ANO3: variants seen among roughly 807,000 people sequenced by gnomAD.
ANO3 encodes the protein anoctamin-3.
In ANO3, 99 loss-of-function variants were observed where a neutral mutation model predicts 144.8. That is an observed-to-expected ratio of 0.68 (90% CI 0.58 to 0.81). ANO3 has a LOEUF of 0.81. ANO3 is among the 30% of genes least tolerant of loss of function. ANO3 has a pLI of 0.00. For synonymous variants in ANO3, 414 were observed against 392.6 expected, an observed-to-expected ratio of 1.05 and a Z score of -0.64; for missense variants, 905 against 1,202.2, an observed-to-expected ratio of 0.75 and a Z score of 3.66.
chr11:26,273,820 G>C (rs912629166), intron 1 of ANO3, among the ~76,000 whole-genome samples: 7 of 152,142 alleles, frequency 4.6e-5, no homozygotes, highest in African/African-American at 9.7e-5. Flanking sequence ...TGAGGAAGAA[G>C]ACATGGAGGA....
At chr11:26,522,228 T>C (rs1862112326) in intron 6 of ANO3, among the ~76,000 whole-genome samples, 1 of 144,984 alleles carries the variant, frequency 6.9e-6, no homozygotes, top group African/African-American at 2.5e-5. Flanking sequence ...AAAAAAACAT[T>C]AAGAGCAATC....
At chr11:26,193,351 A>C (rs1482867433) in intron 1 of ANO3, among the ~76,000 whole-genome samples, 1 of 151,902 alleles carries the variant, frequency 6.6e-6, no homozygotes, top group Admixed American at 6.6e-5. Flanking sequence ...TGTGTTAGTC[A>C]TGCTGGTCTC....
At chr11:26,555,816 C>T (rs534731607) in intron 13 of ANO3, among the ~76,000 whole-genome samples, 1 of 152,026 alleles carries the variant, frequency 6.6e-6, no homozygotes, top group Non-Finnish European at 1.5e-5. Context: ...TGGGTAGAAT[C>T]AGATATAAGG....
At chr11:26,643,645 C>A (rs1055236121) in intron 23 of ANO3, among the ~76,000 whole-genome samples, 3 of 151,938 alleles carry the variant, frequency 2.0e-5, no homozygotes, top group African/African-American at 7.3e-5. Context: ...ATCCCAGCTA[C>A]TCGGGAGGCT....
chr11:26,264,403 A>T (rs1853261086), intron 1 of ANO3, among the ~76,000 whole-genome samples: 1 of 152,222 alleles, frequency 6.6e-6, no homozygotes, highest in Non-Finnish European at 1.5e-5. Flanking sequence ...CACACAAGTA[A>T]TACAGCAAAG....
In ANO3 at chr11:26,310,653, AATAT is replaced by A. The variant is rs757003773; in HGVS notation, c.-3+935_-3+938del. Among the ~76,000 whole-genome samples the A allele has an allele frequency of 9.3e-4, 141 of 152,326 alleles. 1 individual carries two copies. Among genetic ancestry groups the A allele is most frequent in the Non-Finnish European group, 5.9e-4 (40 of 68,022 alleles). On this transcript the variant is annotated intron_variant, in intron 1 of 26. Transcript: ENST00000525139. Reference sequence around the variant, plus strand: ...TCTGCACCCATGTGTGTGTTGTGTGAATATGTGTGTTTTGGAAATGTATGTGCTA... The same window carrying A: ...TCTGCACCCATGTGTGTGTTGTGTGAGTGTGTTTTGGAAATGTATGTGCTA...
intron 1 of ANO3, among the ~76,000 whole-genome samples, chr11:26,434,420 C>T (rs1037752696): frequency 1.3e-5 from 2 of 151,886 alleles, no homozygotes; most frequent in African/African-American, 2.4e-5. Flanking sequence ...TGTTATCTCT[C>T]GTTCTTCAGT....
At chr11:26,372,789 G>A (rs1046249409) in intron 1 of ANO3, among the ~76,000 whole-genome samples, 1 of 152,118 alleles carries the variant, frequency 6.6e-6, no homozygotes, top group African/African-American at 2.4e-5. Flanking sequence ...ATTAAACAAG[G>A]AAAGGGGTCA....
intron 1 of ANO3, among the ~76,000 whole-genome samples, chr11:26,368,286 A>G (rs1242054341): frequency 1.3e-5 from 2 of 152,164 alleles, no homozygotes; most frequent in African/African-American, 2.4e-5. Context: ...ATGGCTCTTC[A>G]GTTTTTTACA....
intron 1 of ANO3, among the ~76,000 whole-genome samples, chr11:26,418,854 G>A (rs1230925790): frequency 1.6e-5 from 2 of 123,780 alleles, no homozygotes; most frequent in Admixed American, 8.0e-5. Context: ...ATGAAGAACT[G>A]TCAATTGCCA....
chr11:26,565,309 T>G, intron 14 of ANO3: 1 of 1,609,122 alleles, frequency 6.2e-7, no homozygotes, highest in South Asian at 1.1e-5. Flanking sequence ...GGTTCCACTA[T>G]CAAGGGGGTC....
intron 1 of ANO3, among the ~76,000 whole-genome samples, chr11:26,230,867 T>C (rs1475808470): frequency 6.7e-6 from 1 of 149,338 alleles, no homozygotes; most frequent in Non-Finnish European, 1.5e-5. Flanking sequence ...AGTTTTCTGG[T>C]TCTTCCCAGA....
At chr11:26,265,681 C>T (rs1037768731) in intron 1 of ANO3, among the ~76,000 whole-genome samples, 1 of 152,142 alleles carries the variant, frequency 6.6e-6, no homozygotes, top group Non-Finnish European at 1.5e-5. Flanking sequence ...TATAGCCCTT[C>T]GGCAGAGGTT....
chr11:26,383,888 CTTTTTTTTTTTTTTT>C lies in ANO3; in HGVS notation c.46+51580_46+51594del, dbSNP rs61094091. 1.1e-4 allele frequency among the ~76,000 whole-genome samples: 8 copies of C among 70,174 alleles called. No individual in the cohort carries two copies. In the East Asian group the frequency reaches 3.9e-3, roughly 34 times the overall value. The allele number at this position is 70,174 out of a possible 152,430, so 46.0% of individuals were successfully genotyped here. A position where few individuals can be genotyped will look rare whatever the true frequency, so the allele number is the denominator to read the frequency against. On this transcript the variant is annotated intron_variant, in intron 1 of 26. Coordinates refer to ENST00000256737, the MANE Select transcript of ANO3 (RefSeq NM_031418.4). ...CATTGTTCTTGTGCCATGCATTGTT[CTTTTTTTTTTTTTTT>C]TTTTTTTTTTTTGAGACGGAATCTC...
At position 26,643,653 on chromosome 11, in the gene ANO3, G is replaced by T. The variant is rs1853244365; in HGVS notation, c.2428+319G>T. 2.6e-5 allele frequency among the ~76,000 whole-genome samples: 4 copies of T among 152,120 alleles called. No individual in the cohort carries two copies. In the South Asian group the frequency reaches 8.3e-4, roughly 32 times the overall value. On this transcript the variant is annotated intron_variant, in intron 23 of 26. Coordinates refer to ENST00000256737, the MANE Select transcript of ANO3 (RefSeq NM_031418.4). ...GCCTGTAATCCCAGCTACTCGGGAG[G>T]CTGAGACAGGAGAATCGTTTGAACA...
At position 26,547,503 on chromosome 11, in the gene ANO3, G is replaced by C. The variant is rs778280340; in HGVS notation, c.1242G>C (p.Leu414Phe). 1.2e-6 allele frequency: 2 copies of C among 1,612,108 alleles called. No homozygotes were observed. Among genetic ancestry groups the C allele is most frequent in the African/African-American group, 2.7e-5 (2 of 74,904 alleles). The change falls in exon 12 of 27, where the codon TTG becomes TTC. Residue 414 changes from leucine (L) to phenylalanine (F), a missense_variant. Coordinates refer to ENST00000256737, the MANE Select transcript of ANO3 (RefSeq NM_031418.4). Reference protein sequence around the residue: ...GMLIPAAIVGLCVFFYGLFTM... With the variant: ...GMLIPAAIVGFCVFFYGLFTM... ...TGATTCCTGCAGCAATTGTTGGTTT[G>C]TGCGTTTTCTTCTATGGATTATTTA...
intron 17 of ANO3, among the ~76,000 whole-genome samples, chr11:26,602,977 A>G (rs1851841848): frequency 6.6e-6 from 1 of 152,174 alleles, no homozygotes; most frequent in Admixed American, 6.5e-5. Context: ...TTCTAAGTAG[A>G]TTGTCAATCA....
At chr11:26,615,414 A>ATATATATATATATATATATTT (rs1352935016) in intron 17 of ANO3, among the ~76,000 whole-genome samples, 1 of 130,698 alleles carries the variant, frequency 7.7e-6, no homozygotes, top group African/African-American at 3.0e-5. Context: ...ATATATATAT[A>ATATATATATATATATATATTT]TTTTTTTTTT....
intron 17 of ANO3, among the ~76,000 whole-genome samples, chr11:26,611,283 G>A (rs903821110): frequency 5.3e-5 from 8 of 151,998 alleles, no homozygotes; most frequent in Non-Finnish European, 1.0e-4. Flanking sequence ...TGCTTTTGCT[G>A]TGTCTCATAG....
Sources: allele counts gnomAD v4.1 joint callset (sites outside exome capture counted in the v4.1 genomes callset), GRCh38; gene constraint gnomAD v4.1.1; transcripts MANE v1.5; gene names NCBI Gene and HGNC (gene_info 2026-07-23, HGNC 2026-07-21).